The following TDRD3 variants were observed in gnomAD, a reference collection of about 807,000 sequenced individuals.
TDRD3 encodes tudor domain containing 3.
TDRD3 carries 45 observed loss-of-function variants against 86.7 expected under a neutral mutation model. The ratio of observed to expected loss-of-function variants is 0.52; its 90% CI spans 0.41 to 0.67. The LOEUF (loss-of-function observed/expected upper bound fraction) is 0.67. Among genes scored for constraint, TDRD3 ranks in the 30% least tolerant of loss-of-function variants. The pLI is 0.00. For missense variants in TDRD3, 814 were observed against 889.0 expected, an observed-to-expected ratio of 0.92 and a Z score of 1.07; for synonymous variants, 298 against 301.7, an observed-to-expected ratio of 0.99 and a Z score of 0.13.
chr13:60,542,343 A>G (rs904664549), intron 12 of TDRD3, among the ~76,000 whole-genome samples: 11 of 152,132 alleles, frequency 7.2e-5, no homozygotes, highest in Non-Finnish European at 1.3e-4. Context: ...TCTTATTTCT[A>G]TGGTCTCAGA....
At chr13:60,416,894 C>CT (rs1337187570) in intron 1 of TDRD3, among the ~76,000 whole-genome samples, 1 of 152,018 alleles carries the variant, frequency 6.6e-6, no homozygotes, top group Non-Finnish European at 1.5e-5. Context: ...CATTCGTTGT[C>CT]TTTTTATGAT....
rs1016446260 is a variant in TDRD3, at chr13:60,405,437, A to G, written c.41+8032A>G. The stretch of plus-strand genomic sequence containing the variant: ...TTCCAAATGCATGTACTAAGGGGGA[A>G]TTAGCCTTTTCATGGTGGTCAGAGA... On this transcript the variant is annotated intron_variant, in intron 1 of 13. Transcript: ENST00000377881. Among the ~76,000 whole-genome samples, 5 of 152,234 alleles carry G rather than the reference A, an allele frequency of 3.3e-5. 1 individual carries two copies. Among genetic ancestry groups the G allele is most frequent in the Middle Eastern group, 6.3e-3 (2 of 316 alleles).
At chr13:60,418,076 A>G (rs189306911) in intron 1 of TDRD3, among the ~76,000 whole-genome samples, 6 of 152,154 alleles carry the variant, frequency 3.9e-5, no homozygotes, top group Non-Finnish European at 8.8e-5. Flanking sequence ...ATCTTTTGTC[A>G]CCTACAGGAT....
intron 8 of TDRD3, among the ~76,000 whole-genome samples, chr13:60,505,128 G>A (rs934845557): frequency 1.3e-5 from 2 of 152,144 alleles, no homozygotes; most frequent in South Asian, 2.1e-4. Context: ...AAGCCAGGGC[G>A]CCAAGTAGTC....
At chr13:60,402,354 C>T (rs796573158) in intron 1 of TDRD3, among the ~76,000 whole-genome samples, 28 of 152,122 alleles carry the variant, frequency 1.8e-4, no homozygotes, top group African/African-American at 6.3e-4. Flanking sequence ...GTAATTATAC[C>T]TTCTTATACT....
At chr13:60,472,781 G>A (rs1402738542) in intron 5 of TDRD3, among the ~76,000 whole-genome samples, 21 of 152,174 alleles carry the variant, frequency 1.4e-4, no homozygotes, top group Non-Finnish European at 2.5e-4. Context: ...GACAAATACT[G>A]TGTGATTCTA....
chr13:60,516,200 G>A (rs1957164773), intron 10 of TDRD3, among the ~76,000 whole-genome samples: 1 of 152,118 alleles, frequency 6.6e-6, no homozygotes, highest in African/African-American at 2.4e-5. Context: ...TGAGGATTTT[G>A]TTTAGTTTTA....
Position 60,397,600 on chromosome 13 carries a change from AGGCGGCGGCGGCGGCGGCCTGGGCCCCG to A in TDRD3, c.41+204_41+231del, listed in dbSNP as rs779969880. The stretch of plus-strand genomic sequence containing the variant: ...CTGCGAGTTCCCCTAGGTCCCCTGG[AGGCGGCGGCGGCGGCGGCCTGGGCCCCG>A]GGCGGCGGGCCTGGGCCCCGGGCGG... On this transcript the variant is annotated intron_variant, in intron 1 of 13. Transcript: ENST00000377881. Among the ~76,000 whole-genome samples the A allele has an allele frequency of 4.0e-3, 594 of 147,612 alleles. 4 individuals are homozygous for A. Among genetic ancestry groups the A allele is most frequent in the Non-Finnish European group, 7.0e-3 (465 of 66,616 alleles).
intron 9 of TDRD3, 67 bp from the exon 10 acceptor site, chr13:60,510,563 A>G: frequency 2.9e-6 from 4 of 1,358,562 alleles, no homozygotes; most frequent in South Asian, 3.8e-5. Flanking sequence ...TGTTGGTTAT[A>G]TATTAGTATA....
At chr13:60,457,377 G>T (rs1337831643) in intron 3 of TDRD3, among the ~76,000 whole-genome samples, 3 of 152,192 alleles carry the variant, frequency 2.0e-5, no homozygotes, top group Non-Finnish European at 4.4e-5. Context: ...AATGTATTTT[G>T]AAGATGTGGC....
chr13:60,514,980 A>C (rs892570284), intron 10 of TDRD3, among the ~76,000 whole-genome samples: 3 of 152,228 alleles, frequency 2.0e-5, no homozygotes, highest in Non-Finnish European at 4.4e-5. Flanking sequence ...CAGAAAACAC[A>C]GGGAAGTAGA....
At chr13:60,410,951 A>C (rs1225928928) in intron 1 of TDRD3, among the ~76,000 whole-genome samples, 1 of 152,234 alleles carries the variant, frequency 6.6e-6, no homozygotes, top group African/African-American at 2.4e-5. Flanking sequence ...AAGTTGATAC[A>C]TAATGAAAGT....
chr13:60,397,877 A>G (rs1027645433), intron 1 of TDRD3, among the ~76,000 whole-genome samples: 2 of 152,122 alleles, frequency 1.3e-5, no homozygotes, highest in Non-Finnish European at 1.5e-5. Context: ...AGTTGAGGGC[A>G]GAGCAGAGCA....
At chr13:60,495,925 T>C (rs976248999) in intron 8 of TDRD3, among the ~76,000 whole-genome samples, 2 of 152,048 alleles carry the variant, frequency 1.3e-5, no homozygotes, top group East Asian at 1.9e-4. Context: ...ATGGCTAATA[T>C]GGAGTGTCAA....
chr13:60,535,004 G>A, intron 11 of TDRD3, 104 bp from the exon 12 acceptor site: 16 of 1,208,666 alleles, frequency 1.3e-5, no homozygotes, highest in South Asian at 5.2e-5. Flanking sequence ...TCCTTCTAAA[G>A]AATATTACAC....
chr13:60,425,380 G>T (rs1259713422), intron 1 of TDRD3, among the ~76,000 whole-genome samples: 3 of 152,144 alleles, frequency 2.0e-5, no homozygotes, highest in African/African-American at 7.2e-5. Context: ...TGGCAGGGGT[G>T]TGGAGAAACA....
At chr13:60,470,931 C>G (rs938000192) in intron 5 of TDRD3, among the ~76,000 whole-genome samples, 2 of 152,070 alleles carry the variant, frequency 1.3e-5, no homozygotes, top group African/African-American at 4.8e-5. Context: ...TAATATTGAG[C>G]ATCTTTTTGT....
In TDRD3 at chr13:60,406,635, A is replaced by G. The variant is rs562002907; in HGVS notation, c.41+9230A>G. On this transcript the variant is annotated intron_variant, in intron 1 of 13. Coordinates refer to ENST00000377881, the MANE Select transcript of TDRD3 (RefSeq NM_001146070.2). ...CCTTTAAGGACCTGCTAGTTAGGGG[A>G]AAAAGCTTTAGAATGCATTATAAAG... Among the ~76,000 whole-genome samples, 35 of 152,286 alleles carry G rather than the reference A, an allele frequency of 2.3e-4. No individual in the cohort carries two copies. In the East Asian group the frequency reaches 4.4e-3, roughly 19 times the overall value.
intron 7 of TDRD3, among the ~76,000 whole-genome samples, chr13:60,489,798 A>AT (rs1201492047): frequency 3.3e-5 from 5 of 152,026 alleles, no homozygotes; most frequent in Non-Finnish European, 7.4e-5. Context: ...AAATATATTT[A>AT]TTTTTTTCCA....
Sources: allele counts gnomAD v4.1 joint callset (sites outside exome capture counted in the v4.1 genomes callset), GRCh38; gene constraint gnomAD v4.1.1; transcripts MANE v1.5; gene names NCBI Gene and HGNC (gene_info 2026-07-23, HGNC 2026-07-21).